Variants in CFTR observed in about 807,000 individuals in gnomAD.
The protein encoded by CFTR is cystic fibrosis transmembrane conductance regulator.
Under a neutral mutation model 171.6 loss-of-function variants are expected in CFTR, and 181 were observed. That is an observed-to-expected ratio of 1.05 (90% confidence interval 0.93 to 1.19). The LOEUF is 1.19. Among genes scored for constraint, CFTR ranks in the 50% most tolerant of loss-of-function variants. The pLI is 0.00. For missense variants in CFTR, 1,968 were observed against 1,734.7 expected (o/e 1.13, Z -2.39); for synonymous variants, 583 against 608.0 (o/e 0.96, Z 0.60).
At chr7:117,508,923 G>T in intron 2 of CFTR, 111 bp from the exon 3 acceptor site, 1 of 765,578 alleles carries the variant, frequency 1.3e-6, no homozygotes, top group Non-Finnish European at 2.3e-6. Flanking sequence ...TATAATACTT[G>T]GGTTAATCTC....
At position 117,647,438 on chromosome 7, in the gene CFTR, A is replaced by T. The variant is rs1584840264; in HGVS notation, c.3873+4845A>T. ...TCAATCATGGTGGAAGGCAAATAAG[A>T]AGCAGGCATGTTACACGACGAATCA... On this transcript the variant is annotated intron_variant, in intron 23 of 26. Coordinates refer to ENST00000003084, the MANE Select transcript of CFTR (RefSeq NM_000492.4). 5 of 152,266 alleles carry T rather than the reference A, an allele frequency of 3.3e-5. No individual in the cohort carries two copies. In the South Asian group the frequency reaches 1.0e-3, roughly 32 times the overall value. 9.4% of individuals were successfully genotyped at this position (152,266 alleles called of 1,614,324 possible).
chr7:117,666,910 C>A lies in CFTR; in HGVS notation c.4245C>A (p.Val1415=). The part of the protein sequence containing the change: ...EAMLECQQFL[V]IEENKVRQYD... ...CTCACTAACAGCCATTTCCCTAGGT[C>A]ATAGAAGAGAACAAAGTGCGGCAGT... is the stretch of plus-strand genomic sequence containing the variant. Residue 1415 remains valine (V), a splice_region_variant and synonymous_variant, in exon 27 of 27, where the codon GTC becomes GTA. Coordinates refer to ENST00000003084, the MANE Select transcript of CFTR (RefSeq NM_000492.4). 6.2e-7 allele frequency: 1 copy of A among 1,613,908 alleles called. No individual in the cohort carries two copies. Among genetic ancestry groups the A allele is most frequent in the South Asian group, 1.1e-5 (1 of 91,044 alleles).
At chr7:117,587,309 T>G (rs940341156) in intron 11 of CFTR, among the ~76,000 whole-genome samples, 10 of 152,152 alleles carry the variant, frequency 6.6e-5, no homozygotes, top group African/African-American at 2.4e-4. Flanking sequence ...TTCTTTTAGT[T>G]TCTCTTCTTA....
intron 10 of CFTR, among the ~76,000 whole-genome samples, chr7:117,556,746 C>G (rs190555521): frequency 6.6e-6 from 1 of 150,590 alleles, no homozygotes; most frequent in East Asian, 2.0e-4. Context: ...GTCTCGATCT[C>G]CTGACCTCGT....
Position 117,606,656 on chromosome 7 carries a change from T to A in CFTR, c.2909-18T>A. 7.4e-7 allele frequency: 1 copy of A among 1,350,778 alleles called. No individual in the cohort carries two copies. The allele number at this position is 1,350,778 out of a possible 1,614,324, so 83.7% of individuals were successfully genotyped here. A position where few individuals can be genotyped will look rare whatever the true frequency, so the allele number is the denominator to read the frequency against. On this transcript the variant is annotated intron_variant, in intron 17 of 26. Transcript: ENST00000003084. ...AAATTAGTGTTTTTTGAGGAATTTG[T>A]CATCTTGTATATTATAGGTGGGATT...
At position 117,483,734 on chromosome 7, in the gene CFTR, CT is replaced by C. The variant is rs531877773; in HGVS notation, c.53+3600del. ...GGTGTGTACCACCATGCCTGGCTAA[CT>C]TTTTTTTTTTTTAAGTTATATAGAG... On this transcript the variant is annotated intron_variant, in intron 1 of 26. Coordinates refer to ENST00000003084, the MANE Select transcript of CFTR (RefSeq NM_000492.4). Among the ~76,000 whole-genome samples, 1,187 of 144,362 alleles carry C rather than the reference CT, an allele frequency of 8.2e-3. 10 individuals are homozygous for C. Among genetic ancestry groups the C allele is most frequent in the African/African-American group, 0.024 (961 of 39,720 alleles). 94.7% of individuals were successfully genotyped at this position (144,362 alleles called of 152,430 possible). A position where few individuals can be genotyped will look rare whatever the true frequency, so the allele number is the denominator to read the frequency against.
chr7:117,639,168 A>G (rs551327299), intron 22 of CFTR, among the ~76,000 whole-genome samples: 1 of 152,234 alleles, frequency 6.6e-6, no homozygotes, highest in East Asian at 1.9e-4. Flanking sequence ...CAATTACTTT[A>G]TGAAAAAGAT....
intron 20 of CFTR, 121 bp from the exon 21 acceptor site, chr7:117,614,492 A>G (rs916326851): frequency 4.1e-6 from 3 of 736,724 alleles, no homozygotes; most frequent in Admixed American, 1.9e-5. Context: ...AATTGTTAAA[A>G]TTAGCATAAA....
intron 21 of CFTR, chr7:117,616,486 G>T (rs1792492808): frequency 6.6e-6 from 1 of 152,074 alleles, no homozygotes; most frequent in Admixed American, 6.6e-5. Context: ...TTTTCACCAT[G>T]GGTGTGTACA....
chr7:117,664,843 T>A lies in CFTR; in HGVS notation c.4119T>A (p.Ser1373Arg). 1 of 1,613,964 alleles carries A rather than the reference T, an allele frequency of 6.2e-7. No individual in the cohort carries two copies. The highest frequency in any genetic ancestry group is 8.5e-7 in the Non-Finnish European group (1 of 1,179,872). ...KAKILLLDEP[S>R]AHLDPVTYQI... ...AGATCTTGCTGCTTGATGAACCCAG[T>A]GCTCATTTGGATCCAGTGTGAGTTT... Residue 1373 changes from serine to arginine, a missense_variant, in exon 25 of 27, where the codon AGT becomes AGA. Coordinates refer to ENST00000003084, the MANE Select transcript of CFTR (RefSeq NM_000492.4).
chr7:117,565,876 G>A (rs1291660135), intron 11 of CFTR, among the ~76,000 whole-genome samples: 1 of 151,900 alleles, frequency 6.6e-6, no homozygotes, highest in African/African-American at 2.4e-5. Flanking sequence ...TGGGAGGGAA[G>A]TAAGCAAATA....
rs1309723251 is a variant in CFTR, at chr7:117,592,039, C to A, written c.1872C>A (p.Ser624Arg). 2 of 1,604,472 alleles carry A rather than the reference C, an allele frequency of 1.2e-6. No homozygotes were observed. The highest frequency in any genetic ancestry group is 2.7e-5 in the African/African-American group (2 of 74,270). ...TATTAATTTTGCATGAAGGTAGCAG[C>A]TATTTTTATGGGACATTTTCAGAAC... ...DKILILHEGSSYFYGTFSELQ... is the reference protein window; with the variant it reads ...DKILILHEGSRYFYGTFSELQ... The change falls in exon 14 of 27, where the codon AGC becomes AGA. Residue 624 changes from serine to arginine, a missense_variant. Physicochemically the swap from Ser to Arg is moderately radical, Grantham distance 110. Coordinates refer to ENST00000003084, the MANE Select transcript of CFTR (RefSeq NM_000492.4).
intron 7 of CFTR, 136 bp from the exon 8 acceptor site, chr7:117,539,964 G>A (rs1470657580): frequency 4.3e-6 from 3 of 705,776 alleles, no homozygotes; most frequent in Non-Finnish European, 7.3e-6. Flanking sequence ...GGTCACACAG[G>A]TCATATGATG....
rs1793424480 is a variant in CFTR, at chr7:117,668,655, T to A, written c.*1547T>A. 1 of 152,646 alleles carries A rather than the reference T, an allele frequency of 6.6e-6. No individual in the cohort carries two copies. Among genetic ancestry groups the A allele is most frequent in the Non-Finnish European group, 1.5e-5 (1 of 68,032 alleles). The allele number at this position is 152,646 out of a possible 1,614,324, so 9.5% of individuals were successfully genotyped here. A position where few individuals can be genotyped will look rare whatever the true frequency, so the allele number is the denominator to read the frequency against. On this transcript the variant is annotated 3_prime_UTR_variant, in exon 27 of 27. Transcript: ENST00000003084. ...ATCACTTGTCAATAAAATCCATACA[T>A]TTGTGTGAAACTTTGTTGTTTTCAG...
intron 3 of CFTR, among the ~76,000 whole-genome samples, chr7:117,511,335 A>G (rs1441070009): frequency 6.6e-6 from 1 of 152,208 alleles, no homozygotes; most frequent in Non-Finnish European, 1.5e-5. Flanking sequence ...AAAAAGGGAT[A>G]GGAGAATGGA....
In CFTR at chr7:117,653,412, G is replaced by A. The variant is rs930690456; in HGVS notation, c.3963+481G>A. Among the ~76,000 whole-genome samples, 6 of 152,260 alleles carry A rather than the reference G, an allele frequency of 3.9e-5. No individual in the cohort carries two copies. The East Asian group carries it at 5.8e-4, about 15-fold the overall frequency. ...AAGGTGCCAGCAGGTTTGCTGTCTC[G>A]TGAGAGCATACTTCCTGGTTCATTG... On this transcript the variant is annotated intron_variant, in intron 24 of 26. Coordinates refer to ENST00000003084, the MANE Select transcript of CFTR (RefSeq NM_000492.4).
intron 1 of CFTR, among the ~76,000 whole-genome samples, chr7:117,486,677 G>A (rs1431860815): frequency 6.6e-6 from 1 of 151,944 alleles, no homozygotes; most frequent in Non-Finnish European, 1.5e-5. Context: ...AGATTTGTGG[G>A]AGATGGGTCT....
intron 3 of CFTR, 143 bp from the exon 4 acceptor site, chr7:117,530,756 C>A: frequency 1.5e-6 from 1 of 665,634 alleles, no homozygotes; most frequent in South Asian, 1.7e-5. Context: ...GAAAATAGTG[C>A]TAAGAGTTTC....
intron 22 of CFTR, among the ~76,000 whole-genome samples, chr7:117,633,643 G>GTT (rs965265631): frequency 6.9e-6 from 1 of 145,122 alleles, no homozygotes; most frequent in Admixed American, 6.9e-5. Flanking sequence ...TTTTGTAGAA[G>GTT]TTTTTTTTTT....
Sources: allele counts gnomAD v4.1 joint callset (sites outside exome capture counted in the v4.1 genomes callset), GRCh38; gene constraint gnomAD v4.1.1; transcripts MANE v1.5; gene names NCBI Gene and HGNC (gene_info 2026-07-23, HGNC 2026-07-21).